Variants in SLC24A3 observed in about 807,000 individuals in gnomAD.
SLC24A3 encodes the protein solute carrier family 24 member 3, also known as sodium/potassium/calcium exchanger 3.
A neutral mutation model predicts 75.8 loss-of-function variants in SLC24A3; 28 were observed. The observed-to-expected ratio is 0.37, with a 90% CI of 0.27 to 0.51. The LOEUF (loss-of-function observed/expected upper bound fraction) is 0.51, where lower values mean the gene tolerates loss of function less well. Among genes scored for constraint, SLC24A3 ranks in the 20% least tolerant of loss-of-function variants. The pLI is 0.94. For synonymous variants in SLC24A3, 372 were observed against 334.1 expected (o/e 1.11, Z -1.24); for missense variants, 663 against 847.8 (o/e 0.78, Z 2.71).
chr20:19,408,724 A>C (rs535045936), intron 2 of SLC24A3, among the ~76,000 whole-genome samples: 1 of 152,286 alleles, frequency 6.6e-6, no homozygotes, highest in African/African-American at 2.4e-5. Context: ...CCTTGTGCCA[A>C]AATTGGTGTC....
intron 2 of SLC24A3, among the ~76,000 whole-genome samples, chr20:19,438,499 G>C (rs990729605): frequency 4.6e-5 from 7 of 151,974 alleles, no homozygotes; most frequent in African/African-American, 1.7e-4. Flanking sequence ...CTGCTCATTG[G>C]CCTCTGCACC....
At chr20:19,297,623 T>G (rs1003295977) in intron 2 of SLC24A3, among the ~76,000 whole-genome samples, 7 of 152,240 alleles carry the variant, frequency 4.6e-5, no homozygotes, top group African/African-American at 1.7e-4. Context: ...TATACATACA[T>G]GTAGATACAC....
intron 3 of SLC24A3, among the ~76,000 whole-genome samples, chr20:19,524,602 C>T (rs669160): frequency 0.12 from 18,237 of 152,176 alleles, 1,235 homozygotes; most frequent in East Asian, 0.3. Context: ...TACATGCAGC[C>T]TGCTGTATGC....
At chr20:19,391,457 G>A (rs1341558986) in intron 2 of SLC24A3, among the ~76,000 whole-genome samples, 3 of 152,128 alleles carry the variant, frequency 2.0e-5, no homozygotes, top group Non-Finnish European at 4.4e-5. Context: ...TTTTTCTTGA[G>A]GGCACAAATA....
chr20:19,614,231 C>G (rs1164139642), intron 6 of SLC24A3, among the ~76,000 whole-genome samples: 1 of 152,180 alleles, frequency 6.6e-6, no homozygotes. Context: ...TTCTCTGTGC[C>G]TCAGTTTCCT....
At chr20:19,480,253 G>T (rs1988031945) in intron 2 of SLC24A3, among the ~76,000 whole-genome samples, 1 of 152,174 alleles carries the variant, frequency 6.6e-6, no homozygotes, top group East Asian at 1.9e-4. Flanking sequence ...CTTAAGATGA[G>T]TGAGCTAAGA....
chr20:19,659,524 A>G (rs2032302988), intron 7 of SLC24A3, among the ~76,000 whole-genome samples: 1 of 152,176 alleles, frequency 6.6e-6, no homozygotes, highest in South Asian at 2.1e-4. Context: ...TTAATTTTTA[A>G]CAAGCATGGA....
chr20:19,557,684 C>T (rs763429372), intron 3 of SLC24A3, among the ~76,000 whole-genome samples: 1 of 152,142 alleles, frequency 6.6e-6, no homozygotes, highest in Non-Finnish European at 1.5e-5. Context: ...ACAGAAAATA[C>T]CACTTAGTGG....
intron 1 of SLC24A3, among the ~76,000 whole-genome samples, chr20:19,275,761 C>T (rs868040987): frequency 1.1e-4 from 17 of 152,248 alleles, no homozygotes; most frequent in South Asian, 6.2e-4. Flanking sequence ...GCTTGCTTTT[C>T]GAGTTGAGAG....
intron 2 of SLC24A3, among the ~76,000 whole-genome samples, chr20:19,439,757 T>C (rs1463557806): frequency 1.3e-5 from 2 of 152,244 alleles, no homozygotes; most frequent in Admixed American, 1.3e-4. Context: ...CAGAGGTCTC[T>C]GAATGGAAAA....
intron 6 of SLC24A3, among the ~76,000 whole-genome samples, chr20:19,618,656 G>A (rs988265293): frequency 1.3e-5 from 2 of 152,156 alleles, no homozygotes; most frequent in East Asian, 3.9e-4. Flanking sequence ...TGCTTTTTAA[G>A]CCTCTTGTGC....
At chr20:19,346,606 T>C (rs1314518773) in intron 2 of SLC24A3, among the ~76,000 whole-genome samples, 1 of 151,964 alleles carries the variant, frequency 6.6e-6, no homozygotes, top group African/African-American at 2.4e-5. Context: ...AAAGCAAACA[T>C]CATATGTTCT....
chr20:19,674,059 C>A (rs2122730128), intron 9 of SLC24A3, among the ~76,000 whole-genome samples: 1 of 152,254 alleles, frequency 6.6e-6, no homozygotes, highest in East Asian at 1.9e-4. Context: ...AGCCAGCCAT[C>A]CGGTGGTCTG....
At chr20:19,381,497 C>T (rs1986181289) in intron 2 of SLC24A3, among the ~76,000 whole-genome samples, 1 of 152,106 alleles carries the variant, frequency 6.6e-6, no homozygotes. Context: ...AAAGATGGAA[C>T]AGCAGGTGCA....
intron 8 of SLC24A3, among the ~76,000 whole-genome samples, chr20:19,671,803 T>C (rs143827327): frequency 1.6e-3 from 236 of 152,184 alleles, no homozygotes; most frequent in African/African-American, 5.6e-3. Context: ...TTGGGGGTCA[T>C]TATCATGTAT....
chr20:19,679,344 A>G (rs1351416806), intron 9 of SLC24A3, among the ~76,000 whole-genome samples: 1 of 152,246 alleles, frequency 6.6e-6, no homozygotes. Flanking sequence ...CCACCAAAAA[A>G]ATACGAAAAC....
intron 14 of SLC24A3, 61 bp from the exon 15 acceptor site, chr20:19,698,507 G>C: frequency 3.3e-6 from 4 of 1,204,732 alleles, no homozygotes; most frequent in Non-Finnish European, 4.8e-6. Context: ...AGGCTTGGGA[G>C]AGTCCTGTGT....
intron 1 of SLC24A3, among the ~76,000 whole-genome samples, chr20:19,216,743 C>G (rs1981570840): frequency 6.6e-6 from 1 of 152,208 alleles, no homozygotes; most frequent in African/African-American, 2.4e-5. Flanking sequence ...ACTTTCTATA[C>G]TAGTTGCTAT....
At chr20:19,390,321 G>A (rs1442716488) in intron 2 of SLC24A3, among the ~76,000 whole-genome samples, 1 of 152,180 alleles carries the variant, frequency 6.6e-6, no homozygotes, top group Non-Finnish European at 1.5e-5. Flanking sequence ...CTGCCCATTT[G>A]GAAAAGCCCT....
Sources: allele counts gnomAD v4.1 joint callset (sites outside exome capture counted in the v4.1 genomes callset), GRCh38; gene constraint gnomAD v4.1.1; transcripts MANE v1.5; gene names NCBI Gene and HGNC (gene_info 2026-07-23, HGNC 2026-07-21).